Variants in TCOF1 observed in about 807,000 individuals in gnomAD.
TCOF1 encodes the protein treacle protein.
In TCOF1, 33 loss-of-function variants were observed where a neutral mutation model predicts 149.0. The ratio of observed to expected loss-of-function variants is 0.22; its 90% CI spans 0.17 to 0.30. The LOEUF is 0.30. Among genes scored for constraint, TCOF1 ranks in the 10% least tolerant of loss-of-function variants. The pLI, the probability that TCOF1 is intolerant of heterozygous loss-of-function variation, is 1.00. For missense variants in TCOF1, 1,728 were observed against 1,840.7 expected (o/e 0.94, Z 1.12); for synonymous variants, 789 against 738.8 (o/e 1.07, Z -1.10).
rs569590294 is a variant in TCOF1, at chr5:150,394,056, A to G, written c.3784+504A>G. 8.4e-5 allele frequency: 17 copies of G among 202,230 alleles called. No individual in the cohort carries two copies. The South Asian group carries it at 1.4e-3, about 17-fold the overall frequency. 12.5% of individuals were successfully genotyped at this position (202,230 alleles called of 1,614,324 possible). A position where few individuals can be genotyped will look rare whatever the true frequency, so the allele number is the denominator to read the frequency against. The stretch of plus-strand genomic sequence containing the variant: ...CCCCACGCCCAGGTGTCTGGCTCCC[A>G]TGGCCCTGGACAGCCTGGAAGTGGG... On this transcript the variant is annotated intron_variant, in intron 23 of 26. Coordinates refer to ENST00000643257, the MANE Select transcript of TCOF1 (RefSeq NM_001371623.1).
intron 17 of TCOF1, chr5:150,384,182 A>G: frequency 9.8e-7 from 1 of 1,022,774 alleles, no homozygotes. Context: ...GCACACCTCC[A>G]GCAATAGGGT....
At chr5:150,362,076 T>C (rs932142982) in intron 2 of TCOF1, among the ~76,000 whole-genome samples, 16 of 152,118 alleles carry the variant, frequency 1.1e-4, no homozygotes, top group African/African-American at 3.1e-4. Flanking sequence ...CCAAGAATCA[T>C]AGGGATGAAA....
chr5:150,379,309 C>T lies in TCOF1; in HGVS notation c.2559C>T (p.Ala853=), dbSNP rs1562380639. The T allele has an allele frequency of 6.2e-6, 10 of 1,614,078 alleles. No homozygotes were observed. The highest frequency in any genetic ancestry group is 1.7e-5 in the Admixed American group (1 of 60,004). Residue 853 remains alanine (A), a synonymous_variant, in exon 16 of 27, where the codon GCC becomes GCT. Coordinates refer to ENST00000643257, the MANE Select transcript of TCOF1 (RefSeq NM_001371623.1). ...GPASVPSVGK[A]VATAAQAQTG... ...CATCTGTGCCATCTGTGGGGAAGGC[C>T]GTGGCTACAGCAGCTCAGGCCCAGA...
intron 3 of TCOF1, chr5:150,367,551 G>C: frequency 6.6e-5 from 28 of 423,154 alleles, no homozygotes; most frequent in South Asian, 5.8e-4. Flanking sequence ...AAGAATGTGG[G>C]CCAGTCCTTT....
chr5:150,385,557 T>A (rs1766107418), intron 17 of TCOF1, among the ~76,000 whole-genome samples: 1 of 152,202 alleles, frequency 6.6e-6, no homozygotes, highest in Admixed American at 6.5e-5. Flanking sequence ...CCTCAGGCAA[T>A]TCTGAGAGAG....
chr5:150,365,058 G>A (rs559301479), intron 3 of TCOF1: 4 of 151,692 alleles, frequency 2.6e-5, no homozygotes, highest in Non-Finnish European at 4.4e-5. Flanking sequence ...ATCATACTAG[G>A]TATATATTTT....
intron 24 of TCOF1, 92 bp from the exon 25 acceptor site, chr5:150,398,262 G>T: frequency 1.3e-6 from 2 of 1,591,608 alleles, no homozygotes; most frequent in Middle Eastern, 2.3e-4. Context: ...TGTGGGGAAA[G>T]CTGGGAGCCC....
intron 2 of TCOF1, among the ~76,000 whole-genome samples, chr5:150,362,777 C>T (rs1161179273): frequency 2.0e-5 from 3 of 152,090 alleles, no homozygotes; most frequent in Admixed American, 6.5e-5. Context: ...CCTGACTTGC[C>T]CAGGTGAGTG....
At chr5:150,392,950 C>G (rs907107392) in intron 22 of TCOF1, 160 bp downstream of exon 22, 58 of 831,028 alleles carry the variant, frequency 7.0e-5, no homozygotes, top group Middle Eastern at 3.0e-4. Context: ...GTGGCCCAGC[C>G]AGCAGACCAC....
intron 18 of TCOF1, among the ~76,000 whole-genome samples, chr5:150,388,594 C>T (rs930540271): frequency 2.0e-5 from 3 of 152,188 alleles, no homozygotes; most frequent in African/African-American, 7.2e-5. Context: ...GTTACTATTA[C>T]AGTTATTGTA....
intron 14 of TCOF1, among the ~76,000 whole-genome samples, chr5:150,377,675 AG>A: frequency 6.6e-6 from 1 of 152,010 alleles, no homozygotes; most frequent in Non-Finnish European, 1.5e-5. Flanking sequence ...TAAGCTCTGC[AG>A]GGGCCCCTTC....
chr5:150,374,567 T>A (rs760636303), intron 8 of TCOF1, 50 bp from the exon 9 acceptor site: 19 of 1,611,086 alleles, frequency 1.2e-5, no homozygotes, highest in Non-Finnish European at 1.4e-5. Context: ...GTCCTGTGTC[T>A]CCTCACACGT....
intron 14 of TCOF1, 50 bp downstream of exon 14, chr5:150,376,670 C>A: frequency 1.3e-6 from 2 of 1,539,586 alleles, no homozygotes; most frequent in Non-Finnish European, 1.8e-6. Flanking sequence ...GTTCCTGAGC[C>A]AGGGCTGAGG....
chr5:150,387,210 T>C (rs1766468748), intron 17 of TCOF1, among the ~76,000 whole-genome samples: 1 of 152,264 alleles, frequency 6.6e-6, no homozygotes, highest in African/African-American at 2.4e-5. Flanking sequence ...GTGTCCCTAT[T>C]TCCCTGATTG....
At chr5:150,370,679 G>A (rs772935618) in intron 6 of TCOF1, among the ~76,000 whole-genome samples, 4 of 152,180 alleles carry the variant, frequency 2.6e-5, no homozygotes, top group Non-Finnish European at 5.9e-5. Flanking sequence ...TTAAATGAGA[G>A]GGAGAAACCA....
At chr5:150,362,019 G>T (rs1339433658) in intron 2 of TCOF1, among the ~76,000 whole-genome samples, 2 of 152,234 alleles carry the variant, frequency 1.3e-5, no homozygotes, top group Non-Finnish European at 2.9e-5. Context: ...GTCCAGGCAA[G>T]AGCTGATGGG....
intron 14 of TCOF1, among the ~76,000 whole-genome samples, chr5:150,377,784 T>C (rs1764161244): frequency 6.6e-6 from 1 of 152,214 alleles, no homozygotes. Flanking sequence ...TTGTCTTCCC[T>C]TCTGAGCCTC....
chr5:150,397,596 T>G (rs1768848813), intron 24 of TCOF1, among the ~76,000 whole-genome samples: 1 of 151,814 alleles, frequency 6.6e-6, no homozygotes, highest in African/African-American at 2.4e-5. Context: ...GGAGCCAGAG[T>G]CAAACCTAGG....
intron 17 of TCOF1, among the ~76,000 whole-genome samples, chr5:150,381,118 T>A (rs1354893691): frequency 6.6e-6 from 1 of 152,166 alleles, no homozygotes; most frequent in African/African-American, 2.4e-5. Context: ...GCAGTTCTTA[T>A]CAGCTTCAGC....
Sources: gnomAD v4.1 joint callset for allele counts (sites outside exome capture counted in the v4.1 genomes callset) on GRCh38, gnomAD v4.1.1 for gene constraint, MANE v1.5 for transcripts, NCBI Gene and HGNC (gene_info 2026-07-23, HGNC 2026-07-21) for gene names.